A2ML1: variants seen among roughly 807,000 people sequenced by gnomAD.
A2ML1 encodes the protein alpha-2-macroglobulin-like protein 1.
In A2ML1, 161 loss-of-function variants were observed where a neutral mutation model predicts 181.9. That is an observed-to-expected ratio of 0.89 (90% CI 0.78 to 1.01). A2ML1 has a LOEUF of 1.01. Among genes scored for constraint, A2ML1 ranks in the 50% least tolerant of loss-of-function variants. The pLI is 0.00. For synonymous variants in A2ML1, 663 were observed against 666.8 expected, an observed-to-expected ratio of 0.99 and a Z score of 0.09; for missense variants, 1,670 against 1,768.1, an observed-to-expected ratio of 0.94 and a Z score of 1.00.
Position 8,858,079 on chromosome 12 carries a change from A to G in A2ML1, c.3241A>G (p.Asn1081Asp), listed in dbSNP as rs1177162537. 2 of 1,614,136 alleles carry G rather than the reference A, an allele frequency of 1.2e-6. No individual in the cohort carries two copies. Among genetic ancestry groups the G allele is most frequent in the East Asian group, 2.2e-5 (1 of 44,886 alleles). The change falls in exon 26 of 36, where the codon AAT becomes GAT. Residue 1081 changes from asparagine to aspartate, a missense_variant. By Grantham distance (23) the Asn-to-Asp change is conservative (BLOSUM62 1). Coordinates refer to ENST00000299698, the MANE Select transcript of A2ML1 (RefSeq NM_144670.6). ...CAGTGGCTGCTATGCCAACGTGGGA[A>G]ATCTCCTTCACACAGCTATGAAGGT... Reference protein sequence around the residue: ...LPSGCYANVGNLLHTAMKGGV... With the variant: ...LPSGCYANVGDLLHTAMKGGV...
intron 7 of A2ML1, among the ~76,000 whole-genome samples, chr12:8,885,143 A>G (rs1944909818): frequency 6.6e-6 from 1 of 152,104 alleles, no homozygotes; most frequent in Non-Finnish European, 1.5e-5. Flanking sequence ...CAGTACCGCA[A>G]ATATCTTCTT....
chr12:8,837,415 G>T, intron 7 of A2ML1, 25 bp from the exon 8 acceptor site: 2 of 1,611,990 alleles, frequency 1.2e-6, no homozygotes, highest in South Asian at 2.2e-5. Flanking sequence ...TCCCAACTCT[G>T]ACTCCTTATG....
intron 35 of A2ML1, 174 bp from the exon 36 acceptor site, chr12:8,875,884 A>AAAAGT (rs1320124591): frequency 6.6e-6 from 1 of 152,216 alleles, no homozygotes; most frequent in Non-Finnish European, 1.5e-5. Context: ...ATACTAAGAC[A>AAAAGT]AAAGTAAAGG....
At chr12:8,850,392 C>A in intron 18 of A2ML1, 118 bp downstream of exon 18, 1 of 600,934 alleles carries the variant, frequency 1.7e-6, no homozygotes, top group Non-Finnish European at 2.7e-6. Context: ...CAAGACCAGC[C>A]TGGGCAACAT....
chr12:8,877,497 AC>A (rs1592167493), downstream of A2ML1, among the ~76,000 whole-genome samples: 1 of 152,318 alleles, frequency 6.6e-6, no homozygotes, highest in Admixed American at 6.5e-5. Flanking sequence ...CAAGAAAAAA[AC>A]AAATAATCCC....
intron 18 of A2ML1, among the ~76,000 whole-genome samples, chr12:8,850,982 A>T (rs1592135532): frequency 6.6e-6 from 1 of 151,836 alleles, no homozygotes; most frequent in African/African-American, 2.4e-5. Flanking sequence ...CAAGTGATCC[A>T]CCCGCCTTGG....
rs200618482 is a variant in A2ML1 at position 8,851,798 on chromosome 12, A to C, written c.2249A>C (p.Glu750Ala). 1,236 of 1,614,060 alleles carry C rather than the reference A, an allele frequency of 7.7e-4. 9 individuals are homozygous for C. The Middle Eastern group carries it at 8.6e-3, about 11-fold the overall frequency. ...TGTTTTCACAGTAACTCGGGGAAGGAGGCGGTCCACGTCACAGTTCCTGAC... is the reference window on the plus strand; with the variant it reads ...TGTTTTCACAGTAACTCGGGGAAGGCGGCGGTCCACGTCACAGTTCCTGAC... Reference protein sequence around the residue: ...DLFPIGNSGKEAVHVTVPDAI... With the variant: ...DLFPIGNSGKAAVHVTVPDAI... The change falls in exon 19 of 36, where the codon GAG (glutamate) becomes GCG (alanine). Residue 750 changes from glutamate to alanine, a missense_variant. Coordinates refer to ENST00000299698, the MANE Select transcript of A2ML1 (RefSeq NM_144670.6).
chr12:8,827,189 A>G (rs913568801), intron 3 of A2ML1, among the ~76,000 whole-genome samples: 4 of 152,118 alleles, frequency 2.6e-5, no homozygotes, highest in African/African-American at 9.7e-5. Flanking sequence ...AAAAATACCA[A>G]ATTAGCCAAG....
At chr12:8,836,628 C>G (rs1265046439) in intron 7 of A2ML1, among the ~76,000 whole-genome samples, 2 of 151,640 alleles carry the variant, frequency 1.3e-5, no homozygotes, top group African/African-American at 4.9e-5. Context: ...GGATCACAGG[C>G]GCGCGCCACC....
chr12:8,839,742 T>TTTTTG (rs765219464), intron 10 of A2ML1, among the ~76,000 whole-genome samples: 29 of 152,102 alleles, frequency 1.9e-4, no homozygotes, highest in East Asian at 9.7e-4. Flanking sequence ...TTTCTTTCTG[T>TTTTTG]TTTTGTTTTG....
intron 14 of A2ML1, 67 bp downstream of exon 14, chr12:8,846,289 G>T: frequency 6.3e-7 from 1 of 1,580,564 alleles, no homozygotes; most frequent in Non-Finnish European, 8.7e-7. Flanking sequence ...TGTGTGCTGC[G>T]GTTGGAAACA....
intron 1 of A2ML1, 36 bp from the exon 2 acceptor site, chr12:8,823,143 AATC>A: frequency 6.3e-7 from 1 of 1,592,814 alleles, no homozygotes; most frequent in Non-Finnish European, 8.6e-7. Flanking sequence ...CGAGTGAATG[AATC>A]ATTATTGCCC....
chr12:8,866,300 A>AAT (rs1944424767), intron 29 of A2ML1, among the ~76,000 whole-genome samples: 6 of 51,678 alleles, frequency 1.2e-4, no homozygotes, highest in Admixed American at 8.0e-4. Context: ...GCAAGACTCC[A>AAT]TCTCAAAAAA....
intron 1 of A2ML1, 60 bp downstream of exon 1, chr12:8,822,773 C>T: frequency 6.6e-7 from 1 of 1,520,906 alleles, no homozygotes; most frequent in Non-Finnish European, 9.1e-7. Context: ...CTAACTTTCT[C>T]AAACATTTAT....
In A2ML1 at chr12:8,829,750, G is replaced by A; in HGVS notation, c.433G>A (p.Asp145Asn). 1 of 1,614,046 alleles carries A rather than the reference G, an allele frequency of 6.2e-7. No homozygotes were observed. The change falls in exon 4 of 36, where the codon GAT (aspartate) becomes AAT (asparagine). Residue 145 changes from aspartate to asparagine, a missense_variant. Physicochemically the swap from Asp to Asn is conservative, Grantham distance 23. Coordinates refer to ENST00000299698, the MANE Select transcript of A2ML1 (RefSeq NM_144670.6). ...AGTGTATTTCCGCATTGTCACCATGGATAGCAACTTCGTTCCAGTGAATGA... is the reference window on the plus strand; with the variant it reads ...AGTGTATTTCCGCATTGTCACCATGAATAGCAACTTCGTTCCAGTGAATGA... The part of the protein sequence containing the change: ...QQVYFRIVTM[D>N]SNFVPVNDKY...
intron 12 of A2ML1, among the ~76,000 whole-genome samples, chr12:8,844,472 G>A (rs139029400): frequency 1.3e-5 from 2 of 152,084 alleles, no homozygotes; most frequent in East Asian, 3.9e-4. Flanking sequence ...AATTCACATC[G>A]ATAGCAGCCT....
chr12:8,844,966 G>A (rs776925277), intron 12 of A2ML1: 1 of 1,347,402 alleles, frequency 7.4e-7, no homozygotes, highest in Non-Finnish European at 9.5e-7. Flanking sequence ...GGACGGGAAG[G>A]GGGAGTTAGA....
chr12:8,886,917 G>C (rs1265676193), exon 8 of A2ML1: 1 of 152,196 alleles, frequency 6.6e-6, no homozygotes, highest in Non-Finnish European at 1.5e-5. Flanking sequence ...GCCAAGGCAG[G>C]AGGATTGCTT....
At position 8,851,822 on chromosome 12, in the gene A2ML1, A is replaced by G. The variant is rs1943899192; in HGVS notation, c.2273A>G (p.Asp758Gly). The change falls in exon 19 of 36, where the codon GAC (aspartate) becomes GGC (glycine). Residue 758 changes from aspartate (D) to glycine (G), a missense_variant. Coordinates refer to ENST00000299698, the MANE Select transcript of A2ML1 (RefSeq NM_144670.6). ...GAGGCGGTCCACGTCACAGTTCCTG[A>G]CGCCATCACCGAGTGGAAGGCGATG... Reference protein sequence around the residue: ...GKEAVHVTVPDAITEWKAMSF... With the variant: ...GKEAVHVTVPGAITEWKAMSF... The G allele has an allele frequency of 1.2e-6, 2 of 1,613,976 alleles. No individual in the cohort carries two copies.
Sources: allele counts gnomAD v4.1 joint callset (sites outside exome capture counted in the v4.1 genomes callset), GRCh38; gene constraint gnomAD v4.1.1; transcripts MANE v1.5; gene names NCBI Gene and HGNC (gene_info 2026-07-23, HGNC 2026-07-21).